Variants in SLC22A15 observed in about 807,000 individuals in gnomAD.
SLC22A15 encodes the protein flipt 1.
A neutral mutation model predicts 62.7 loss-of-function variants in SLC22A15; 45 were observed. That is an observed-to-expected ratio of 0.72 (90% CI 0.56 to 0.92). The LOEUF is 0.92. SLC22A15 is among the 40% of genes least tolerant of loss of function. SLC22A15 has a pLI of 0.00. For missense variants in SLC22A15, 622 were observed against 665.6 expected (o/e 0.93, Z 0.72); for synonymous variants, 264 against 267.0 (o/e 0.99, Z 0.11).
chr1:116,042,655 CCTAA>C (rs1389580714), intron 8 of SLC22A15, among the ~76,000 whole-genome samples: 1 of 152,106 alleles, frequency 6.6e-6, no homozygotes, highest in Non-Finnish European at 1.5e-5. Context: ...ATAGAGCAGT[CCTAA>C]CTGTGTTTGT....
chr1:116,039,644 T>TA (rs1223719234), intron 8 of SLC22A15, among the ~76,000 whole-genome samples: 1 of 152,174 alleles, frequency 6.6e-6, no homozygotes, highest in African/African-American at 2.4e-5. Flanking sequence ...AAAATTATCC[T>TA]CTTCCACTAC....
Position 116,066,593 on chromosome 1 carries a change from T to C in SLC22A15, c.1439T>C (p.Leu480Ser). 1 of 1,609,044 alleles carries C rather than the reference T, an allele frequency of 6.2e-7. No homozygotes were observed. The highest frequency in any genetic ancestry group is 8.5e-7 in the Non-Finnish European group (1 of 1,177,732). ...CTGACCTCCGGCCTCCTGAGTTTGT[T>C]ATTGCCGGAGACCCTTAACAGTCCG... ...TGLTSGLLSL[L>S]LPETLNSPLL... The change falls in exon 11 of 12, where the codon TTA (leucine) becomes TCA (serine). Residue 480 changes from leucine to serine, a missense_variant. Coordinates refer to ENST00000369503, the MANE Select transcript of SLC22A15 (RefSeq NM_018420.3).
At chr1:116,032,581 C>T in intron 6 of SLC22A15, 1 of 985,392 alleles carries the variant, frequency 1.0e-6, no homozygotes, top group Non-Finnish European at 1.2e-6. Context: ...TCTTTTTCTA[C>T]CCAAGCAGTG....
intron 1 of SLC22A15, among the ~76,000 whole-genome samples, chr1:115,986,738 G>A (rs1230807759): frequency 6.6e-6 from 1 of 152,198 alleles, no homozygotes; most frequent in Non-Finnish European, 1.5e-5. Context: ...AATTTGGGAA[G>A]CACTAATATA....
In SLC22A15 at chr1:115,985,902, C is replaced by T. The variant is rs545662222; in HGVS notation, c.88-6129C>T. Among the ~76,000 whole-genome samples, 8 of 144,692 alleles carry T rather than the reference C, an allele frequency of 5.5e-5. No homozygotes were observed. The South Asian group carries it at 6.5e-4, about 12-fold the overall frequency. The allele number at this position is 144,692 out of a possible 152,430, so 94.9% of individuals were successfully genotyped here. A position where few individuals can be genotyped will look rare whatever the true frequency, so the allele number is the denominator to read the frequency against. ...CAGAGGTTACAGTGAGCTGAGATCGCGCCACTGTACTCCAGCCTGCGTGAC... is the reference window on the plus strand; with the variant it reads ...CAGAGGTTACAGTGAGCTGAGATCGTGCCACTGTACTCCAGCCTGCGTGAC... On this transcript the variant is annotated intron_variant, in intron 1 of 11. Transcript: ENST00000369503.
chr1:116,012,532 G>A (rs1224261536), intron 2 of SLC22A15, among the ~76,000 whole-genome samples: 2 of 152,168 alleles, frequency 1.3e-5, no homozygotes, highest in Admixed American at 6.5e-5. Flanking sequence ...ACCTGGAGAT[G>A]GCTTGTTTGT....
rs1654299879 is a variant in SLC22A15, at chr1:115,976,645, G to C, written c.18G>C (p.Ala6=). MEVEE[A]FQAVGEMGIY... ...GGCCCGCCATGGAGGTGGAGGAGGC[G>C]TTCCAGGCGGTGGGGGAGATGGGCA... The change falls in exon 1 of 12, where the codon GCG becomes GCC. Residue 6 remains alanine (A), a synonymous_variant. Coordinates refer to ENST00000369503, the MANE Select transcript of SLC22A15 (RefSeq NM_018420.3). 1.3e-6 allele frequency: 2 copies of C among 1,585,354 alleles called. No individual in the cohort carries two copies. The highest frequency in any genetic ancestry group is 1.7e-5 in the Admixed American group (1 of 57,612).
intron 4 of SLC22A15, among the ~76,000 whole-genome samples, chr1:116,025,966 T>C (rs1657066000): frequency 6.6e-6 from 1 of 152,192 alleles, no homozygotes; most frequent in Admixed American, 6.5e-5. Context: ...GGTTGATATT[T>C]TTCCATCATT....
rs1658507374 is a variant in SLC22A15 at position 116,066,677 on chromosome 1, C to G, written c.1523C>G (p.Ala508Gly). The G allele has an allele frequency of 1.2e-6, 2 of 1,612,702 alleles. No homozygotes were observed. Among genetic ancestry groups the G allele is most frequent in the Admixed American group, 1.7e-5 (1 of 59,826 alleles). ...VYSYRRLGEE[A>G]LSLQALDPQQ... ...TCGTATCGCAGGCTGGGAGAAGAAG[C>G]ATTATCTTTACAGGCTTTGGACCCC... The change falls in exon 11 of 12, where the codon GCA becomes GGA. Residue 508 changes from alanine (A) to glycine (G), a missense_variant. By Grantham distance (60) the Ala-to-Gly change is moderately conservative. Transcript: ENST00000369503.
intron 1 of SLC22A15, among the ~76,000 whole-genome samples, chr1:115,986,608 G>A (rs764655712): frequency 7.2e-5 from 11 of 152,162 alleles, no homozygotes; most frequent in Non-Finnish European, 1.6e-4. Context: ...CATAAAACTG[G>A]AATAAGTGTG....
At chr1:116,003,169 T>A (rs1465674056) in intron 2 of SLC22A15, among the ~76,000 whole-genome samples, 3 of 151,552 alleles carry the variant, frequency 2.0e-5, no homozygotes, top group Non-Finnish European at 4.4e-5. Context: ...CTAGAATGGG[T>A]GCATTAGGAC....
chr1:115,980,001 A>G (rs1363753452), intron 1 of SLC22A15, among the ~76,000 whole-genome samples: 1 of 150,434 alleles, frequency 6.6e-6, no homozygotes, highest in Non-Finnish European at 1.5e-5. Flanking sequence ...GTATATATAT[A>G]TACTTAATAA....
At chr1:116,058,081 AAAAAG>A (rs1658270151) in intron 8 of SLC22A15, among the ~76,000 whole-genome samples, 1 of 151,554 alleles carries the variant, frequency 6.6e-6, no homozygotes, top group Non-Finnish European at 1.5e-5. Context: ...ATACTGAAAA[AAAAAG>A]AAAACAGACT....
chr1:116,033,344 C>T (rs1330597335), intron 6 of SLC22A15, among the ~76,000 whole-genome samples: 1 of 152,112 alleles, frequency 6.6e-6, no homozygotes, highest in African/African-American at 2.4e-5. Flanking sequence ...ATTTTAATAG[C>T]TGTAATTATG....
chr1:115,992,541 A>G (rs1416268597), intron 2 of SLC22A15, among the ~76,000 whole-genome samples: 1 of 152,106 alleles, frequency 6.6e-6, no homozygotes, highest in Non-Finnish European at 1.5e-5. Context: ...TAAAACTTTA[A>G]TCTCTCTTTA....
At chr1:116,042,381 G>T (rs1351094557) in intron 8 of SLC22A15, among the ~76,000 whole-genome samples, 1 of 151,710 alleles carries the variant, frequency 6.6e-6, no homozygotes, top group African/African-American at 2.4e-5. Context: ...CAGTAGATGA[G>T]ATTAGCAACA....
intron 8 of SLC22A15, among the ~76,000 whole-genome samples, chr1:116,041,262 A>C (rs1028588024): frequency 1.3e-5 from 2 of 152,218 alleles, no homozygotes; most frequent in South Asian, 2.1e-4. Context: ...ATGATACAAA[A>C]GATACTATTC....
intron 8 of SLC22A15, among the ~76,000 whole-genome samples, chr1:116,050,654 A>T (rs1658027653): frequency 1.3e-5 from 2 of 152,180 alleles, no homozygotes; most frequent in Non-Finnish European, 2.9e-5. Flanking sequence ...TCCCTCTGAG[A>T]ACTGGAACAA....
At chr1:115,982,432 A>G (rs1421369606) in intron 1 of SLC22A15, among the ~76,000 whole-genome samples, 2 of 152,196 alleles carry the variant, frequency 1.3e-5, no homozygotes, top group Non-Finnish European at 2.9e-5. Flanking sequence ...AGAAATGTGT[A>G]TCATAACTGC....
Sources: allele counts gnomAD v4.1 joint callset (sites outside exome capture counted in the v4.1 genomes callset), GRCh38; gene constraint gnomAD v4.1.1; transcripts MANE v1.5; gene names NCBI Gene and HGNC (gene_info 2026-07-23, HGNC 2026-07-21).